COL22A1: variants seen among roughly 807,000 people sequenced by gnomAD.
COL22A1 encodes the protein collagen type XXII alpha 1 chain.
Under a neutral mutation model 248.9 loss-of-function variants are expected in COL22A1, and 221 were observed. The ratio of observed to expected loss-of-function variants is 0.89; its 90% CI spans 0.80 to 0.99. The LOEUF is 0.99. Among genes scored for constraint, COL22A1 ranks in the 50% least tolerant of loss-of-function variants. The pLI, the probability that COL22A1 is intolerant of heterozygous loss-of-function variation, is 0.00. For synonymous variants in COL22A1, 891 were observed against 793.4 expected, an observed-to-expected ratio of 1.12 and a Z score of -2.07; for missense variants, 2,240 against 2,179.0, an observed-to-expected ratio of 1.03 and a Z score of -0.56.
chr8:138,737,286 C>A (rs147738767), intron 23 of COL22A1, among the ~76,000 whole-genome samples: 2 of 152,174 alleles, frequency 1.3e-5, no homozygotes, highest in Non-Finnish European at 2.9e-5. Flanking sequence ...ACTTTTATCA[C>A]CCCCATCTGC....
At chr8:138,765,062 A>G (rs776848306) in intron 16 of COL22A1, among the ~76,000 whole-genome samples, 4 of 152,214 alleles carry the variant, frequency 2.6e-5, no homozygotes, top group African/African-American at 7.2e-5. Flanking sequence ...GTGATTCCAC[A>G]TCTATCACTA....
At chr8:138,660,342 G>T in intron 44 of COL22A1, 94 bp downstream of exon 44, 1 of 1,104,312 alleles carries the variant, frequency 9.1e-7, no homozygotes, top group Non-Finnish European at 1.4e-6. Flanking sequence ...ATGTTCCTTT[G>T]TTAAAACCTC....
chr8:138,684,419 A>G lies in COL22A1; in HGVS notation c.3012+6T>C, dbSNP rs1273290258. On this transcript the variant is annotated splice_donor_region_variant and intron_variant, in intron 39 of 64. Coordinates refer to ENST00000303045, the MANE Select transcript of COL22A1 (RefSeq NM_152888.3). ...GCACCCACAGTTTTCTTGGACAAGC[A>G]CTCACCTTGGTTCCTAGGGGTCCAG... The G allele has an allele frequency of 3.7e-6, 6 of 1,604,626 alleles. No individual in the cohort carries two copies. The highest frequency in any genetic ancestry group is 2.2e-5 in the South Asian group (2 of 90,862).
At chr8:138,801,354 A>G (rs1054710158) in intron 11 of COL22A1, among the ~76,000 whole-genome samples, 3 of 152,196 alleles carry the variant, frequency 2.0e-5, no homozygotes, top group African/African-American at 4.8e-5. Flanking sequence ...GTTAGACTCC[A>G]TAGGATGCAC....
chr8:138,667,758 A>T (rs1824638871), intron 41 of COL22A1, among the ~76,000 whole-genome samples: 1 of 152,222 alleles, frequency 6.6e-6, no homozygotes, highest in African/African-American at 2.4e-5. Context: ...GCAACCCTTG[A>T]TGTACTAATT....
At chr8:138,653,768 C>T (rs1376055531) in intron 45 of COL22A1, among the ~76,000 whole-genome samples, 1 of 152,144 alleles carries the variant, frequency 6.6e-6, no homozygotes, top group African/African-American at 2.4e-5. Flanking sequence ...AGACATCTGC[C>T]ACCAGCCACC....
chr8:138,906,027 T>C (rs1814978715), intron 1 of COL22A1, among the ~76,000 whole-genome samples: 1 of 152,112 alleles, frequency 6.6e-6, no homozygotes, highest in African/African-American at 2.4e-5. Flanking sequence ...CTATATTCCT[T>C]AGGGGCTCCC....
chr8:138,653,449 T>C lies in COL22A1; in HGVS notation c.3333+2448A>G, dbSNP rs139358565. ...GAGTCTTGGTTCTACCACTACAAGGTCTGTGATTTGAACAAGTGTCTTGCC... is the reference window on the plus strand; with the variant it reads ...GAGTCTTGGTTCTACCACTACAAGGCCTGTGATTTGAACAAGTGTCTTGCC... On this transcript the variant is annotated intron_variant, in intron 45 of 64. Coordinates refer to ENST00000303045, the MANE Select transcript of COL22A1 (RefSeq NM_152888.3). Among the ~76,000 whole-genome samples, 19 of 152,324 alleles carry C rather than the reference T, an allele frequency of 1.2e-4. No homozygotes were observed. The East Asian group carries it at 3.7e-3, about 29-fold the overall frequency.
chr8:138,895,544 A>G (rs1825346410), intron 1 of COL22A1, among the ~76,000 whole-genome samples: 1 of 152,316 alleles, frequency 6.6e-6, no homozygotes, highest in South Asian at 2.1e-4. Flanking sequence ...GCCTAAAACT[A>G]GACTGGAAAT....
chr8:138,720,941 C>A (rs76691367), intron 26 of COL22A1, 149 bp from the exon 27 acceptor site: 14,469 of 706,652 alleles, frequency 0.02, 240 homozygotes, highest in Non-Finnish European at 0.026. Context: ...TAACCACAGT[C>A]ATCAAACACA....
At chr8:138,608,036 C>T in intron 56 of COL22A1, 47 bp from the exon 57 acceptor site, 3 of 1,583,674 alleles carry the variant, frequency 1.9e-6, no homozygotes, top group Non-Finnish European at 2.6e-6. Flanking sequence ...CATCAAAGAG[C>T]AGGACGGTGG....
intron 3 of COL22A1, among the ~76,000 whole-genome samples, chr8:138,876,010 C>T (rs986386115): frequency 6.6e-6 from 1 of 152,166 alleles, no homozygotes; most frequent in Non-Finnish European, 1.5e-5. Flanking sequence ...AAGGACCTCC[C>T]TTTGTCCTGC....
At chr8:138,805,887 G>C (rs1409258641) in intron 10 of COL22A1, among the ~76,000 whole-genome samples, 2 of 143,102 alleles carry the variant, frequency 1.4e-5, no homozygotes, top group Non-Finnish European at 3.1e-5. Flanking sequence ...TGTGTGTGAT[G>C]GTGTATTATG....
At chr8:138,638,936 C>T (rs1174350220) in intron 47 of COL22A1, among the ~76,000 whole-genome samples, 1 of 152,132 alleles carries the variant, frequency 6.6e-6, no homozygotes, top group African/African-American at 2.4e-5. Context: ...GTCTCCTACT[C>T]CAACGTAGGT....
intron 49 of COL22A1, among the ~76,000 whole-genome samples, chr8:138,633,785 G>A (rs1488841418): frequency 1.3e-5 from 2 of 152,144 alleles, no homozygotes; most frequent in Non-Finnish European, 2.9e-5. Flanking sequence ...CAACTACTAA[G>A]TGAAATTATA....
Position 138,802,901 on chromosome 8 carries a change from G to A in COL22A1, c.1528C>T (p.Pro510Ser), listed in dbSNP as rs376678600. Residue 510 changes from proline (P) to serine (S), a missense_variant, in exon 11 of 65, where the codon CCT becomes TCT. By Grantham distance (74) the Pro-to-Ser change is moderately conservative. Coordinates refer to ENST00000303045, the MANE Select transcript of COL22A1 (RefSeq NM_152888.3). ...DIGAIGPVGA[P>S]GPKGEKGDVG... ...TCACCTTTCTCTCCCTTAGGTCCAG[G>A]AGCGCCAACCGGCCCAATGGCTCCT... 6.2e-7 allele frequency: 1 copy of A among 1,614,024 alleles called. No homozygotes were observed. Among genetic ancestry groups the A allele is most frequent in the African/African-American group, 1.3e-5 (1 of 75,046 alleles).
At chr8:138,857,962 C>T (rs1486939450) in intron 3 of COL22A1, among the ~76,000 whole-genome samples, 1 of 152,196 alleles carries the variant, frequency 6.6e-6, no homozygotes, top group Admixed American at 6.5e-5. Flanking sequence ...TTATAATTGG[C>T]TTTTACAGGA....
intron 42 of COL22A1, 107 bp downstream of exon 42, chr8:138,663,598 A>C: frequency 2.3e-6 from 2 of 855,502 alleles, no homozygotes; most frequent in South Asian, 2.7e-5. Flanking sequence ...AATAGGAGGA[A>C]ATTTCAGAAT....
chr8:138,828,581 A>C (rs1273897539), intron 5 of COL22A1, among the ~76,000 whole-genome samples: 1 of 152,146 alleles, frequency 6.6e-6, no homozygotes, highest in African/African-American at 2.4e-5. Context: ...ATATCTTTTG[A>C]GAGCTTAACA....
Sources: allele counts gnomAD v4.1 joint callset (sites outside exome capture counted in the v4.1 genomes callset), GRCh38; gene constraint gnomAD v4.1.1; transcripts MANE v1.5; gene names NCBI Gene and HGNC (gene_info 2026-07-23, HGNC 2026-07-21).